GRIA2: variants seen among roughly 807,000 people sequenced by gnomAD.
GRIA2 encodes the protein glutamate receptor 2.
GRIA2 carries 14 observed loss-of-function variants against 97.3 expected under a neutral mutation model. That is an observed-to-expected ratio of 0.14 (90% CI 0.10 to 0.23). The LOEUF is 0.23. GRIA2 is among the 10% of genes least tolerant of loss of function. The pLI, the probability that GRIA2 is intolerant of heterozygous loss-of-function variation, is 1.00. For missense variants in GRIA2, 558 were observed against 1,069.8 expected (o/e 0.52, Z 6.67); for synonymous variants, 412 against 387.8 (o/e 1.06, Z -0.73).
intron 2 of GRIA2, among the ~76,000 whole-genome samples, chr4:157,284,044 G>T (rs1254928330): frequency 6.6e-6 from 1 of 152,000 alleles, no homozygotes; most frequent in African/African-American, 2.4e-5. Context: ...TATCTGAAGA[G>T]AAGTAGATCT....
At chr4:157,259,633 T>C (rs1266366203) in intron 2 of GRIA2, among the ~76,000 whole-genome samples, 1 of 152,130 alleles carries the variant, frequency 6.6e-6, no homozygotes, top group African/African-American at 2.4e-5. Context: ...TTTTCTGTTC[T>C]CTTTACTTTC....
At chr4:157,261,889 A>G (rs1402542958) in intron 2 of GRIA2, among the ~76,000 whole-genome samples, 1 of 152,066 alleles carries the variant, frequency 6.6e-6, no homozygotes, top group Admixed American at 6.6e-5. Context: ...CAGTTCCTGC[A>G]TCAGTCTGTG....
chr4:157,271,237 G>A (rs1732010649), intron 2 of GRIA2, among the ~76,000 whole-genome samples: 1 of 151,930 alleles, frequency 6.6e-6, no homozygotes, highest in South Asian at 2.1e-4. Flanking sequence ...CAGACACCAG[G>A]TAGGTGTCCT....
intron 4 of GRIA2, among the ~76,000 whole-genome samples, chr4:157,314,548 T>G (rs1010642741): frequency 6.6e-6 from 1 of 152,190 alleles, no homozygotes; most frequent in Non-Finnish European, 1.5e-5. Context: ...CATTTGAATT[T>G]CATAGAGGTT....
chr4:157,246,553 T>C lies in GRIA2; in HGVS notation c.229+24746T>C, dbSNP rs192076845. Among the ~76,000 whole-genome samples the C allele has an allele frequency of 2.4e-3, 372 of 152,260 alleles. 4 individuals carry two copies. Among genetic ancestry groups the C allele is most frequent in the African/African-American group, 8.4e-3 (349 of 41,574 alleles). On this transcript the variant is annotated intron_variant, in intron 2 of 15. Coordinates refer to ENST00000264426, the MANE Select transcript of GRIA2 (RefSeq NM_001083619.3). Reference sequence around the variant, plus strand: ...GTAGTAATAACACTGATTTCAAAAATATAGACTATCGACTGGATATCAAGT... The same window carrying C: ...GTAGTAATAACACTGATTTCAAAAACATAGACTATCGACTGGATATCAAGT...
At chr4:157,252,812 A>G (rs113006488) in intron 2 of GRIA2, among the ~76,000 whole-genome samples, 3 of 152,094 alleles carry the variant, frequency 2.0e-5, no homozygotes, top group Admixed American at 2.0e-4. Context: ...GCCAACTGTT[A>G]GTGTGGTTTC....
intron 12 of GRIA2, among the ~76,000 whole-genome samples, chr4:157,348,044 A>T (rs1735837584): frequency 6.6e-6 from 1 of 151,852 alleles, no homozygotes; most frequent in Non-Finnish European, 1.5e-5. Flanking sequence ...TGAACCTGGG[A>T]GGTGGAGGTT....
chr4:157,294,935 AG>A (rs1733275896), intron 2 of GRIA2, among the ~76,000 whole-genome samples: 1 of 152,174 alleles, frequency 6.6e-6, no homozygotes, highest in South Asian at 2.1e-4. Context: ...ATTTATAAGG[AG>A]AAAATACGTA....
At chr4:157,306,809 C>G (rs1733865884) in intron 3 of GRIA2, among the ~76,000 whole-genome samples, 1 of 152,172 alleles carries the variant, frequency 6.6e-6, no homozygotes, top group African/African-American at 2.4e-5. Context: ...AGTGTGTGAA[C>G]TGTTTTCCCC....
intron 2 of GRIA2, among the ~76,000 whole-genome samples, chr4:157,259,377 T>C (rs764870712): frequency 2.6e-5 from 4 of 152,104 alleles, no homozygotes; most frequent in Non-Finnish European, 4.4e-5. Flanking sequence ...CTTGAACAAA[T>C]CATTTTGCTT....
chr4:157,361,485 G>T lies in GRIA2; in HGVS notation c.2406+361G>T, dbSNP rs1736628555. Reference sequence around the variant, plus strand: ...AGCTCTTGAATCAGTATTATGTAATGAATAACATAAAATAACATTGATAAT... The same window carrying T: ...AGCTCTTGAATCAGTATTATGTAATTAATAACATAAAATAACATTGATAAT... On this transcript the variant is annotated intron_variant, in intron 14 of 15. Coordinates refer to ENST00000264426, the MANE Select transcript of GRIA2 (RefSeq NM_001083619.3). The surrounding 1 kb of genome is among the most constrained non-coding windows in gnomAD (Gnocchi z 5.2). 4.7e-6 allele frequency: 6 copies of T among 1,265,256 alleles called. No individual in the cohort carries two copies. Among genetic ancestry groups the T allele is most frequent in the Non-Finnish European group, 6.9e-6 (6 of 868,122 alleles). The allele number at this position is 1,265,256 out of a possible 1,614,324, so 78.4% of individuals were successfully genotyped here. A position where few individuals can be genotyped will look rare whatever the true frequency, so the allele number is the denominator to read the frequency against.
chr4:157,230,844 CTTTTATTTTA>C (rs918407872), intron 2 of GRIA2, among the ~76,000 whole-genome samples: 3 of 151,138 alleles, frequency 2.0e-5, no homozygotes, highest in African/African-American at 7.3e-5. Context: ...ATTTTTTTTC[CTTTTATTTTA>C]TTTTATTTTA....
chr4:157,258,747 C>T lies in GRIA2; in HGVS notation c.229+36940C>T, dbSNP rs551076543. On this transcript the variant is annotated intron_variant, in intron 2 of 15. Coordinates refer to ENST00000264426, the MANE Select transcript of GRIA2 (RefSeq NM_001083619.3). ...AGAACCTGCCAACATGTGATGTCTC[C>T]CCGAACACCCAGCTTTAAAATTTCT... Among the ~76,000 whole-genome samples the T allele has an allele frequency of 4.2e-3, 639 of 152,068 alleles. 2 individuals carry two copies. The highest frequency in any genetic ancestry group is 0.017 in the South Asian group (84 of 4,812).
chr4:157,316,957 G>A (rs1734351674), intron 4 of GRIA2, among the ~76,000 whole-genome samples: 2 of 152,226 alleles, frequency 1.3e-5, no homozygotes, highest in African/African-American at 2.4e-5. Context: ...CAAAACCGTT[G>A]TCAGCATTAC....
intron 2 of GRIA2, among the ~76,000 whole-genome samples, chr4:157,245,138 G>A (rs1730672324): frequency 6.6e-6 from 1 of 152,012 alleles, no homozygotes; most frequent in Non-Finnish European, 1.5e-5. Flanking sequence ...ACATAGGATG[G>A]TAGCAGACTT....
At chr4:157,253,620 T>G (rs1463583487) in intron 2 of GRIA2, among the ~76,000 whole-genome samples, 1 of 152,236 alleles carries the variant, frequency 6.6e-6, no homozygotes, top group East Asian at 1.9e-4. Context: ...ATACTAGAAC[T>G]TAAAATTTTG....
intron 2 of GRIA2, among the ~76,000 whole-genome samples, chr4:157,285,459 C>A (rs1476992543): frequency 2.0e-5 from 3 of 151,246 alleles, no homozygotes; most frequent in Non-Finnish European, 4.4e-5. Flanking sequence ...CTTACACTAC[C>A]TTTTCCTATA....
intron 6 of GRIA2, among the ~76,000 whole-genome samples, chr4:157,327,730 G>T (rs1344034538): frequency 1.3e-5 from 2 of 152,130 alleles, no homozygotes; most frequent in African/African-American, 4.8e-5. Context: ...CATTTGTGTG[G>T]CACTTTAAAT....
At chr4:157,246,522 A>T (rs1409235665) in intron 2 of GRIA2, among the ~76,000 whole-genome samples, 3 of 152,132 alleles carry the variant, frequency 2.0e-5, no homozygotes, top group African/African-American at 7.2e-5. Context: ...TCCATTTTAT[A>T]CTTTCGTAGT....
Sources: allele counts gnomAD v4.1 joint callset (sites outside exome capture counted in the v4.1 genomes callset), GRCh38; gene constraint gnomAD v4.1.1; non-coding constraint Gnocchi (gnomAD v3.1); transcripts MANE v1.5; gene names NCBI Gene and HGNC (gene_info 2026-07-23, HGNC 2026-07-21).